Variants in FRMD4A observed in about 807,000 individuals in gnomAD.
FRMD4A encodes FERM domain-containing protein 4A.
A neutral mutation model predicts 129.1 loss-of-function variants in FRMD4A; 29 were observed. The observed-to-expected ratio is 0.22, with a 90% CI of 0.17 to 0.31. The LOEUF (loss-of-function observed/expected upper bound fraction) is 0.31, where lower values mean the gene tolerates loss of function less well. Ranked by LOEUF, FRMD4A falls within the 10% of genes least tolerant of loss-of-function variation. The pLI is 1.00. For missense variants in FRMD4A, 1,272 were observed against 1,375.8 expected, an observed-to-expected ratio of 0.92 and a Z score of 1.19; for synonymous variants, 634 against 571.6, an observed-to-expected ratio of 1.11 and a Z score of -1.56.
chr10:13,883,023 C>T (rs929614400), intron 2 of FRMD4A, among the ~76,000 whole-genome samples: 8 of 151,752 alleles, frequency 5.3e-5, no homozygotes, highest in Non-Finnish European at 1.0e-4. Flanking sequence ...AGGCTGGTCT[C>T]GAACTTCTGT....
At chr10:14,152,872 C>T (rs1054825714) in intron 2 of FRMD4A, among the ~76,000 whole-genome samples, 9 of 152,074 alleles carry the variant, frequency 5.9e-5, no homozygotes, top group African/African-American at 2.2e-4. Flanking sequence ...AGAAGAGAGA[C>T]TCCTTCAGCT....
At chr10:13,977,923 T>A (rs903307083) in intron 2 of FRMD4A, among the ~76,000 whole-genome samples, 11 of 152,250 alleles carry the variant, frequency 7.2e-5, no homozygotes, top group Non-Finnish European at 1.3e-4. Context: ...GTTCCCACTC[T>A]CTGGCTACTA....
intron 2 of FRMD4A, among the ~76,000 whole-genome samples, chr10:13,964,365 G>A (rs1419297359): frequency 1.3e-5 from 2 of 151,808 alleles, no homozygotes; most frequent in East Asian, 1.9e-4. Context: ...ACAACTTTGG[G>A]GCCAGAAGCA....
Position 14,162,630 on chromosome 10 carries a change from G to GTTTTTTTT in FRMD4A, c.45+167420_45+167427dup, listed in dbSNP as rs556368229. Among the ~76,000 whole-genome samples the GTTTTTTTT allele has an allele frequency of 8.5e-5, 10 of 117,336 alleles. 1 individual carries two copies. The highest frequency in any genetic ancestry group is 3.2e-4 in the African/African-American group (9 of 28,382). 77.0% of individuals were successfully genotyped at this position (117,336 alleles called of 152,430 possible). A position where few individuals can be genotyped will look rare whatever the true frequency, so the allele number is the denominator to read the frequency against. Reference sequence around the variant, plus strand: ...TTGAACACGAGTCTTGAGTTTCTCTGTTTTTTTTTTGTTTTTTTTTTTTTT... The same window carrying GTTTTTTTT: ...TTGAACACGAGTCTTGAGTTTCTCTGTTTTTTTTTTTTTTTTTTGTTTTTTTTTTTTTT... On this transcript the variant is annotated intron_variant, in intron 2 of 24. Transcript: ENST00000357447.
intron 12 of FRMD4A, among the ~76,000 whole-genome samples, chr10:13,736,670 A>G (rs989105407): frequency 6.6e-6 from 1 of 152,246 alleles, no homozygotes; most frequent in African/African-American, 2.4e-5. Context: ...TTTCAATCCT[A>G]TTCGAGGATA....
intron 2 of FRMD4A, among the ~76,000 whole-genome samples, chr10:13,871,512 C>T (rs942571669): frequency 3.9e-5 from 6 of 152,218 alleles, no homozygotes; most frequent in Admixed American, 2.6e-4. Context: ...GAATCCGTTT[C>T]AATGCCTCAT....
rs369608348 is a variant in FRMD4A, at chr10:13,807,096, C to T, written c.206+3718G>A. Among the ~76,000 whole-genome samples, 8 of 152,202 alleles carry T rather than the reference C, an allele frequency of 5.3e-5. No homozygotes were observed. The East Asian group carries it at 1.2e-3, about 22-fold the overall frequency. On this transcript the variant is annotated intron_variant, in intron 4 of 24. Coordinates refer to ENST00000357447, the MANE Select transcript of FRMD4A (RefSeq NM_018027.5). ...TGCTGGGATTACAGGTGTGAGCCAC[C>T]GCGCCTGGCCAATAATTATTTTAAC...
At chr10:13,922,918 T>C (rs1421791902) in intron 2 of FRMD4A, among the ~76,000 whole-genome samples, 1 of 152,240 alleles carries the variant, frequency 6.6e-6, no homozygotes, top group Non-Finnish European at 1.5e-5. Flanking sequence ...AATGGCAGGA[T>C]TGATTTGCCA....
intron 2 of FRMD4A, among the ~76,000 whole-genome samples, chr10:14,323,943 CCACA>C (rs1205798850): frequency 6.6e-6 from 1 of 152,164 alleles, no homozygotes; most frequent in Non-Finnish European, 1.5e-5. Flanking sequence ...AAAATGAAGT[CCACA>C]CAAAGAAAAG....
intron 2 of FRMD4A, among the ~76,000 whole-genome samples, chr10:14,274,533 T>G (rs1402964391): frequency 1.3e-5 from 2 of 152,096 alleles, no homozygotes; most frequent in African/African-American, 4.8e-5. Context: ...TTCCAGCCAG[T>G]TCCTGGAAAG....
intron 2 of FRMD4A, among the ~76,000 whole-genome samples, chr10:14,205,691 C>T (rs1842760840): frequency 6.6e-6 from 1 of 151,632 alleles, no homozygotes; most frequent in African/African-American, 2.4e-5. Flanking sequence ...CCTGTAGTCC[C>T]AGCTACTCAG....
chr10:13,925,572 T>TTTTTTTA lies in FRMD4A; in HGVS notation c.46-66661_46-66660insTAAAAAA, dbSNP rs2095123610. Among the ~76,000 whole-genome samples the TTTTTTTA allele has an allele frequency of 2.8e-4, 7 of 24,836 alleles. No individual in the cohort carries two copies. In the South Asian group the frequency reaches 8.3e-3, roughly 29 times the overall value. 16.3% of individuals were successfully genotyped at this position (24,836 alleles called of 152,430 possible). On this transcript the variant is annotated intron_variant, in intron 2 of 24. Transcript: ENST00000357447. The stretch of plus-strand genomic sequence containing the variant: ...TTTCTATTGTAGTGAAACGCTTTTT[T>TTTTTTTA]TTTTTTTTTTTTTTTTTTTTTTTTT...
intron 15 of FRMD4A, among the ~76,000 whole-genome samples, chr10:13,682,493 CTTTCTTTTTTTTTTT>C (rs1320314306): frequency 4.2e-5 from 4 of 96,262 alleles, no homozygotes; most frequent in Non-Finnish European, 9.7e-5. Context: ...CATTTTCTTT[CTTTCTTTTTTTTTTT>C]TTTTTTTTTT....
At chr10:14,199,475 C>T (rs372832735) in intron 2 of FRMD4A, among the ~76,000 whole-genome samples, 1 of 149,786 alleles carries the variant, frequency 6.7e-6, no homozygotes, top group African/African-American at 2.5e-5. Context: ...CTGCAATCTC[C>T]ACCTCCCGGG....
intron 2 of FRMD4A, among the ~76,000 whole-genome samples, chr10:14,220,809 TGTTTGTG>T (rs1843229685): frequency 9.2e-6 from 1 of 108,952 alleles, no homozygotes; most frequent in African/African-American, 3.8e-5. Flanking sequence ...TGTGTGTGTG[TGTTTGTG>T]TGTGTGTGTG....
intron 15 of FRMD4A, among the ~76,000 whole-genome samples, chr10:13,686,906 G>C (rs1370646895): frequency 6.6e-5 from 10 of 152,174 alleles, no homozygotes. Flanking sequence ...GCAGCACACT[G>C]GGTATTTCCT....
intron 12 of FRMD4A, among the ~76,000 whole-genome samples, chr10:13,724,566 A>G (rs933499887): frequency 6.6e-6 from 1 of 152,230 alleles, no homozygotes; most frequent in Non-Finnish European, 1.5e-5. Flanking sequence ...TTTGGGATCC[A>G]ACGATAGCAT....
intron 2 of FRMD4A, among the ~76,000 whole-genome samples, chr10:14,209,131 C>T (rs910365716): frequency 6.6e-6 from 1 of 152,078 alleles, no homozygotes; most frequent in Admixed American, 6.6e-5. Context: ...TGCCTTGTGG[C>T]CTCATCACTC....
intron 2 of FRMD4A, among the ~76,000 whole-genome samples, chr10:14,182,766 G>T (rs1251503993): frequency 1.3e-5 from 2 of 152,196 alleles, no homozygotes; most frequent in Non-Finnish European, 2.9e-5. Flanking sequence ...ACAGGTGAAG[G>T]CTGTTGAAAA....
Sources: allele counts gnomAD v4.1 joint callset (sites outside exome capture counted in the v4.1 genomes callset), GRCh38; gene constraint gnomAD v4.1.1; transcripts MANE v1.5; gene names NCBI Gene and HGNC (gene_info 2026-07-23, HGNC 2026-07-21).